Variants in KCNH8 observed in about 807,000 individuals in gnomAD.
KCNH8 encodes potassium voltage-gated channel subfamily H member 8.
A neutral mutation model predicts 103.6 loss-of-function variants in KCNH8; 70 were observed. That is an observed-to-expected ratio of 0.68 (90% CI 0.56 to 0.82). KCNH8 has a LOEUF of 0.82. Among genes scored for constraint, KCNH8 ranks in the 40% least tolerant of loss-of-function variants. The pLI is 0.00. For synonymous variants in KCNH8, 498 were observed against 489.4 expected (o/e 1.02, Z -0.23); for missense variants, 1,217 against 1,329.9 (o/e 0.92, Z 1.32).
intron 7 of KCNH8, among the ~76,000 whole-genome samples, chr3:19,416,778 CATAG>C (rs1413031159): frequency 6.6e-6 from 1 of 152,112 alleles, no homozygotes; most frequent in Admixed American, 6.5e-5. Context: ...TCCTGTGCCT[CATAG>C]ATAGTGTGCT....
intron 11 of KCNH8, among the ~76,000 whole-genome samples, chr3:19,484,031 T>C (rs1319274772): frequency 6.6e-6 from 1 of 152,204 alleles, no homozygotes; most frequent in African/African-American, 2.4e-5. Flanking sequence ...GAGAGTCACA[T>C]TTCCTTTCTA....
intron 1 of KCNH8, among the ~76,000 whole-genome samples, chr3:19,220,057 T>A (rs922822354): frequency 6.6e-6 from 1 of 152,114 alleles, no homozygotes; most frequent in African/African-American, 2.4e-5. Context: ...AGCCAATGTG[T>A]CAGGAGAGAT....
intron 11 of KCNH8, among the ~76,000 whole-genome samples, chr3:19,500,176 TC>T (rs2068545579): frequency 6.6e-6 from 1 of 151,874 alleles, no homozygotes; most frequent in African/African-American, 2.4e-5. Flanking sequence ...CCAACAAAGA[TC>T]AAAAGAGACA....
intron 11 of KCNH8, among the ~76,000 whole-genome samples, chr3:19,474,860 TAC>T (rs1028325983): frequency 1.1e-4 from 16 of 152,188 alleles, no homozygotes; most frequent in African/African-American, 3.9e-4. Context: ...TTATACAGTT[TAC>T]ATTTTCCTTT....
intron 8 of KCNH8, among the ~76,000 whole-genome samples, chr3:19,448,443 T>C (rs1223520782): frequency 2.6e-5 from 4 of 152,012 alleles, no homozygotes; most frequent in Non-Finnish European, 5.9e-5. Flanking sequence ...AAGGGAGTGA[T>C]TTTATAGACA....
chr3:19,451,081 C>T, intron 9 of KCNH8, 74 bp from the exon 10 acceptor site: 1 of 1,447,428 alleles, frequency 6.9e-7, no homozygotes, highest in Non-Finnish European at 9.6e-7. Context: ...AAGAGCATCC[C>T]TGCTGTCTTG....
chr3:19,507,076 C>T (rs2068707035), intron 11 of KCNH8, among the ~76,000 whole-genome samples: 1 of 152,264 alleles, frequency 6.6e-6, no homozygotes. Context: ...TGGAAATGTT[C>T]AGCCAGGGGA....
chr3:19,461,897 A>G (rs372113916), intron 11 of KCNH8, among the ~76,000 whole-genome samples: 15 of 151,534 alleles, frequency 9.9e-5, no homozygotes, highest in African/African-American at 3.4e-4. Context: ...ATTCCTACCT[A>G]TGAGTGTCCT....
At chr3:19,199,558 C>T (rs11914359) in intron 1 of KCNH8, among the ~76,000 whole-genome samples, 6,566 of 149,318 alleles carry the variant, frequency 0.044, 502 homozygotes, top group African/African-American at 0.15. Context: ...TATATAATAA[C>T]TATATATTTA....
intron 11 of KCNH8, among the ~76,000 whole-genome samples, chr3:19,503,863 G>T (rs1441072214): frequency 6.6e-6 from 1 of 151,896 alleles, no homozygotes; most frequent in Non-Finnish European, 1.5e-5. Flanking sequence ...CACCAGCATG[G>T]CACACGTATA....
At chr3:19,396,002 A>G (rs991241138) in intron 7 of KCNH8, among the ~76,000 whole-genome samples, 1 of 152,064 alleles carries the variant, frequency 6.6e-6, no homozygotes, top group African/African-American at 2.4e-5. Context: ...CAGTAAATTT[A>G]TAGAAAATGA....
At chr3:19,209,736 ATGAAAC>A (rs2063751450) in intron 1 of KCNH8, among the ~76,000 whole-genome samples, 12 of 152,202 alleles carry the variant, frequency 7.9e-5, no homozygotes, top group Middle Eastern at 3.4e-3. Flanking sequence ...CAATGGTAGC[ATGAAAC>A]TTAACAGGGA....
intron 7 of KCNH8, among the ~76,000 whole-genome samples, chr3:19,411,373 G>C (rs2066776208): frequency 6.6e-6 from 1 of 151,920 alleles, no homozygotes; most frequent in Admixed American, 6.6e-5. Context: ...TCTTGAAACA[G>C]TAAGAGCCAT....
At chr3:19,492,871 G>A (rs1375197703) in intron 11 of KCNH8, among the ~76,000 whole-genome samples, 2 of 139,174 alleles carry the variant, frequency 1.4e-5, no homozygotes, top group Non-Finnish European at 3.1e-5. Flanking sequence ...GTGTGTGTGT[G>A]TGTGTGTGTG....
At chr3:19,394,052 A>C (rs570036390) in intron 6 of KCNH8, among the ~76,000 whole-genome samples, 1 of 152,176 alleles carries the variant, frequency 6.6e-6, no homozygotes, top group South Asian at 2.1e-4. Flanking sequence ...TTAGATAAAT[A>C]CAAAAGCAAA....
chr3:19,221,515 A>T (rs2063873856), intron 1 of KCNH8, among the ~76,000 whole-genome samples: 2 of 151,152 alleles, frequency 1.3e-5, no homozygotes. Flanking sequence ...CACTTGGGTG[A>T]TTTTTTTTCT....
intron 3 of KCNH8, among the ~76,000 whole-genome samples, chr3:19,298,783 C>G (rs905830786): frequency 2.2e-4 from 33 of 151,788 alleles, no homozygotes; most frequent in African/African-American, 7.7e-4. Context: ...TTAGCCGGGC[C>G]TGGTGGCGGG....
At chr3:19,399,902 C>A (rs981224893) in intron 7 of KCNH8, among the ~76,000 whole-genome samples, 4 of 151,488 alleles carry the variant, frequency 2.6e-5, no homozygotes, top group Admixed American at 1.3e-4. Context: ...GGATACAAAA[C>A]AAGACTAGGA....
intron 11 of KCNH8, among the ~76,000 whole-genome samples, chr3:19,479,237 T>C (rs2068038594): frequency 1.3e-5 from 2 of 152,252 alleles, no homozygotes; most frequent in South Asian, 4.1e-4. Flanking sequence ...CCAGAAACTC[T>C]AAATTCAGAG....
Sources: allele counts gnomAD v4.1 joint callset (sites outside exome capture counted in the v4.1 genomes callset), GRCh38; gene constraint gnomAD v4.1.1; transcripts MANE v1.5; gene names NCBI Gene and HGNC (gene_info 2026-07-23, HGNC 2026-07-21).